CDC45: variants seen among roughly 807,000 people sequenced by gnomAD.
CDC45 encodes the protein cell division control protein 45 homolog.
CDC45 carries 54 observed loss-of-function variants against 77.8 expected under a neutral mutation model. The observed-to-expected ratio is 0.69, with a 90% CI of 0.56 to 0.87. CDC45 has a LOEUF of 0.87. Among genes scored for constraint, CDC45 ranks in the 40% least tolerant of loss-of-function variants. The pLI, the probability that CDC45 is intolerant of heterozygous loss-of-function variation, is 0.00. For synonymous variants in CDC45, 260 were observed against 272.1 expected, an observed-to-expected ratio of 0.96 and a Z score of 0.44; for missense variants, 649 against 721.6, an observed-to-expected ratio of 0.90 and a Z score of 1.15.
Position 19,480,037 on chromosome 22 carries a change from A to G in CDC45, c.51+18A>G, listed in dbSNP as rs773487667. On this transcript the variant is annotated intron_variant, in intron 1 of 18. Coordinates refer to ENST00000263201, the MANE Select transcript of CDC45 (RefSeq NM_003504.5). Reference sequence around the variant, plus strand: ...AGAGCCAGGTGACGCCCAGTCCGGGACCCCCGCCGAGGCCTTGCCGGTGGG... The same window carrying G: ...AGAGCCAGGTGACGCCCAGTCCGGGGCCCCCGCCGAGGCCTTGCCGGTGGG... The G allele has an allele frequency of 1.9e-6, 3 of 1,613,526 alleles. No homozygotes were observed. The highest frequency in any genetic ancestry group is 2.2e-5 in the South Asian group (2 of 91,066).
intron 13 of CDC45, among the ~76,000 whole-genome samples, chr22:19,508,957 T>G (rs1003705744): frequency 2.0e-5 from 3 of 152,248 alleles, no homozygotes; most frequent in African/African-American, 7.2e-5. Context: ...CTTTTGTATC[T>G]CTTAACAAAA....
chr22:19,495,845 T>C, intron 6 of CDC45, 136 bp from the exon 7 acceptor site: 1 of 729,974 alleles, frequency 1.4e-6, no homozygotes, highest in Non-Finnish European at 2.5e-6. Flanking sequence ...AAACCAAGAG[T>C]CAATATGTGA....
upstream of CDC45, chr22:19,479,562 G>A (rs889705583): frequency 1.7e-6 from 1 of 573,924 alleles, no homozygotes; most frequent in African/African-American, 1.9e-5. Flanking sequence ...CGTAAATGCT[G>A]CCCCATTGGG....
chr22:19,520,013 A>T lies in CDC45; in HGVS notation c.*2-468A>T, dbSNP rs138407194. Among the ~76,000 whole-genome samples the T allele has an allele frequency of 9.2e-5, 14 of 152,308 alleles. No homozygotes were observed. In the East Asian group the frequency reaches 2.7e-3, roughly 29 times the overall value. ...ATGAGTGTGAGCATCACAGGACTGC[A>T]TAGGGTGGGGCGGAGGCAGAGGTGG... On this transcript the variant is annotated intron_variant, in intron 18 of 18. Transcript: ENST00000263201. The surrounding 1 kb of genome is among the most constrained non-coding windows in gnomAD (Gnocchi z 4.5).
upstream of CDC45, chr22:19,479,581 T>C: frequency 1.7e-6 from 1 of 585,048 alleles, no homozygotes; most frequent in South Asian, 1.5e-5. Flanking sequence ...GGTATGTGAC[T>C]GAGTTTAATG....
At chr22:19,486,905 T>C (rs920739586) in intron 5 of CDC45, among the ~76,000 whole-genome samples, 1 of 152,142 alleles carries the variant, frequency 6.6e-6, no homozygotes, top group African/African-American at 2.4e-5. Flanking sequence ...CTCGATCTCC[T>C]GACCTCATGA....
rs2090292281 is a variant in CDC45 at position 19,498,985 on chromosome 22, CAGGA to C, written c.654-115_654-112del. On this transcript the variant is annotated intron_variant, in intron 8 of 18. Transcript: ENST00000263201. The stretch of plus-strand genomic sequence containing the variant: ...GCAAGCCAGGGTCTGGCCCCACTGG[CAGGA>C]CATTCCCCAGAGTGCTGAGCTTGGG... 46 of 1,138,568 alleles carry C rather than the reference CAGGA, an allele frequency of 4.0e-5. 1 individual carries two copies. In the South Asian group the frequency reaches 5.9e-4, roughly 15 times the overall value. The allele number at this position is 1,138,568 out of a possible 1,614,324, so 70.5% of individuals were successfully genotyped here.
intron 9 of CDC45, among the ~76,000 whole-genome samples, chr22:19,501,558 C>T (rs929771993): frequency 6.6e-6 from 1 of 152,160 alleles, no homozygotes; most frequent in Non-Finnish European, 1.5e-5. Context: ...CCCAGACACC[C>T]AACAAGCATC....
upstream of CDC45, chr22:19,479,797 A>G: frequency 1.4e-6 from 1 of 698,320 alleles, no homozygotes; most frequent in Non-Finnish European, 2.5e-6. Context: ...GCAGAGCGCT[A>G]ATGGCCGCCT....
upstream of CDC45, chr22:19,479,702 G>C: frequency 1.4e-6 from 1 of 691,766 alleles, no homozygotes. Context: ...AAGCGAGTCA[G>C]AGTTGAAGGG....
At chr22:19,481,067 A>C in intron 3 of CDC45, 22 bp downstream of exon 3, 2 of 1,489,892 alleles carry the variant, frequency 1.3e-6, no homozygotes, top group Non-Finnish European at 1.9e-6. Flanking sequence ...GCGTTTTAGA[A>C]TAACGTGGCT....
At chr22:19,507,638 C>G in intron 11 of CDC45, 121 bp downstream of exon 11, 1 of 1,406,402 alleles carries the variant, frequency 7.1e-7, no homozygotes, top group Non-Finnish European at 9.9e-7. Context: ...AAGCTCCTTG[C>G]CCTAGATCCC....
chr22:19,505,270 G>A lies in CDC45; in HGVS notation c.705-92G>A, dbSNP rs1027454414. On this transcript the variant is annotated intron_variant, in intron 9 of 18. Transcript: ENST00000263201. ...GCTCCTGTGGTGAGCAGGCCCCTGA[G>A]GAAGGCCTTGAGCGGGAATGGAGCC... 5 of 1,491,372 alleles carry A rather than the reference G, an allele frequency of 3.4e-6. No individual in the cohort carries two copies. In the African/African-American group the frequency reaches 5.5e-5, roughly 16 times the overall value. The allele number at this position is 1,491,372 out of a possible 1,614,324, so 92.4% of individuals were successfully genotyped here. A position where few individuals can be genotyped will look rare whatever the true frequency, so the allele number is the denominator to read the frequency against.
chr22:19,493,227 G>GTT lies in CDC45; in HGVS notation c.487-1090_487-1089dup, dbSNP rs368497589. Among the ~76,000 whole-genome samples, 202 of 136,386 alleles carry GTT rather than the reference G, an allele frequency of 1.5e-3. 2 individuals carry two copies. Among genetic ancestry groups the GTT allele is most frequent in the Middle Eastern group, 4.0e-3 (1 of 248 alleles). The allele number at this position is 136,386 out of a possible 152,430, so 89.5% of individuals were successfully genotyped here. A position where few individuals can be genotyped will look rare whatever the true frequency, so the allele number is the denominator to read the frequency against. ...TGACTAGACAGAGCAGCTTTTGTGG[G>GTT]TTTTTTTTTTTGTTGTTTTGTTTTG... On this transcript the variant is annotated intron_variant, in intron 5 of 18. Coordinates refer to ENST00000263201, the MANE Select transcript of CDC45 (RefSeq NM_003504.5).
chr22:19,483,737 A>T, intron 4 of CDC45, 125 bp from the exon 5 acceptor site: 3 of 880,304 alleles, frequency 3.4e-6, no homozygotes, highest in Non-Finnish European at 5.3e-6. Context: ...TTAAATAGGT[A>T]GCTATTTGTA....
chr22:19,508,211 T>C (rs1227838532), intron 12 of CDC45, among the ~76,000 whole-genome samples: 1 of 152,170 alleles, frequency 6.6e-6, no homozygotes, highest in Non-Finnish European at 1.5e-5. Context: ...AGGTGAACTC[T>C]GCCCGACCAA....
In CDC45 at chr22:19,518,792, C is replaced by T. The variant is rs541381767; in HGVS notation, c.1637-52C>T. 71 of 1,467,966 alleles carry T rather than the reference C, an allele frequency of 4.8e-5. 1 individual carries two copies. The South Asian group carries it at 7.6e-4, about 16-fold the overall frequency. 90.9% of individuals were successfully genotyped at this position (1,467,966 alleles called of 1,614,324 possible). On this transcript the variant is annotated intron_variant, in intron 17 of 18. Transcript: ENST00000263201. ...AGCGGAGGGGAGTTCTGTGCCCTGTCTTGTGTTCCCACTCCTCCCTTCTCA... is the reference window on the plus strand; with the variant it reads ...AGCGGAGGGGAGTTCTGTGCCCTGTTTTGTGTTCCCACTCCTCCCTTCTCA...
chr22:19,508,453 G>T, intron 12 of CDC45, 77 bp from the exon 13 acceptor site: 1 of 1,475,242 alleles, frequency 6.8e-7, no homozygotes, highest in Admixed American at 1.7e-5. Flanking sequence ...AGGGACATTA[G>T]CACATCTGTT....
chr22:19,496,762 G>T (rs1295337615), intron 7 of CDC45, among the ~76,000 whole-genome samples: 1 of 152,194 alleles, frequency 6.6e-6, no homozygotes, highest in Admixed American at 6.5e-5. Flanking sequence ...CGGCAAAGGG[G>T]ATCTTAGGGT....
Sources: allele counts gnomAD v4.1 joint callset (sites outside exome capture counted in the v4.1 genomes callset), GRCh38; gene constraint gnomAD v4.1.1; non-coding constraint Gnocchi (gnomAD v3.1); transcripts MANE v1.5; gene names NCBI Gene and HGNC (gene_info 2026-07-23, HGNC 2026-07-21).